Variants in MYO5A observed in about 807,000 individuals in gnomAD.
MYO5A encodes the protein myosin VA.
A neutral mutation model predicts 249.7 loss-of-function variants in MYO5A; 98 were observed. The ratio of observed to expected loss-of-function variants is 0.39; its 90% CI spans 0.33 to 0.46. The LOEUF (loss-of-function observed/expected upper bound fraction) is 0.46, where lower values mean the gene tolerates loss of function less well. Ranked by LOEUF, MYO5A falls within the 20% of genes least tolerant of loss-of-function variation. The pLI is 0.98. For synonymous variants in MYO5A, 778 were observed against 810.6 expected (o/e 0.96, Z 0.68); for missense variants, 1,696 against 2,308.8 (o/e 0.73, Z 5.44).
chr15:52,406,371 C>G (rs2043003664), intron 8 of MYO5A, among the ~76,000 whole-genome samples: 1 of 152,032 alleles, frequency 6.6e-6, no homozygotes, highest in Non-Finnish European at 1.5e-5. Context: ...TTCAAATTCA[C>G]AAATTTACTA....
chr15:52,387,643 T>C (rs2042024355), intron 14 of MYO5A, 186 bp downstream of exon 14: 1 of 567,900 alleles, frequency 1.8e-6, no homozygotes, highest in Admixed American at 3.1e-5. Context: ...TTAGATGAGT[T>C]AGCATTTTCA....
chr15:52,373,876 T>G lies in MYO5A; in HGVS notation c.2577+1428A>C, dbSNP rs192593711. On this transcript the variant is annotated intron_variant, in intron 20 of 41. Coordinates refer to ENST00000399233, the MANE Select transcript of MYO5A (RefSeq NM_001382347.1). ...GCAGAAAGATCTGGAGTAGCTATCT[T>G]CAAAACACAGCTATTAAATACACTC... is the stretch of plus-strand genomic sequence containing the variant. Among the ~76,000 whole-genome samples, 188 of 152,230 alleles carry G rather than the reference T, an allele frequency of 1.2e-3. No homozygotes were observed. The Middle Eastern group carries it at 0.02, about 17-fold the overall frequency.
chr15:52,493,717 T>G (rs2076981480), intron 1 of MYO5A, among the ~76,000 whole-genome samples: 2 of 152,032 alleles, frequency 1.3e-5, no homozygotes. Flanking sequence ...TATACAATAA[T>G]ATTATACTCT....
rs892620044 is a variant in MYO5A at position 52,309,328 on chromosome 15, C to G, written c.*4368G>C. 1 of 152,190 alleles carries G rather than the reference C, an allele frequency of 6.6e-6. No homozygotes were observed. Among genetic ancestry groups the G allele is most frequent in the Non-Finnish European group, 1.5e-5 (1 of 68,032 alleles). 9.4% of individuals were successfully genotyped at this position (152,190 alleles called of 1,614,324 possible). A position where few individuals can be genotyped will look rare whatever the true frequency, so the allele number is the denominator to read the frequency against. The stretch of plus-strand genomic sequence containing the variant: ...GTAACTATGACAAAAAAGAAAACCA[C>G]CTGGCGCTGAGCACTTGGTCTCCTT... On this transcript the variant is annotated 3_prime_UTR_variant, in exon 42 of 42. Coordinates refer to ENST00000399233, the MANE Select transcript of MYO5A (RefSeq NM_001382347.1).
intron 1 of MYO5A, among the ~76,000 whole-genome samples, chr15:52,483,284 T>C (rs896101353): frequency 1.3e-5 from 2 of 152,170 alleles, no homozygotes; most frequent in African/African-American, 4.8e-5. Context: ...GAGTGAGCCA[T>C]TTTCAGGTCA....
intron 1 of MYO5A, chr15:52,435,714 G>A (rs762021899): frequency 2.3e-6 from 1 of 443,136 alleles, no homozygotes; most frequent in Non-Finnish European, 4.5e-6. Context: ...CTGATATAAG[G>A]TTATTAACTA....
intron 20 of MYO5A, among the ~76,000 whole-genome samples, chr15:52,375,010 T>A (rs1299417984): frequency 6.6e-6 from 1 of 152,180 alleles, no homozygotes; most frequent in Non-Finnish European, 1.5e-5. Context: ...ATGTGCACAA[T>A]GGCTCATACC....
chr15:52,427,147 T>TA (rs1442898894), intron 3 of MYO5A, among the ~76,000 whole-genome samples: 2 of 151,422 alleles, frequency 1.3e-5, no homozygotes, highest in Non-Finnish European at 3.0e-5. Flanking sequence ...TTCCTTTTTT[T>TA]ATACTTTTCT....
intron 1 of MYO5A, among the ~76,000 whole-genome samples, chr15:52,484,703 G>A (rs141575463): frequency 0.016 from 2,467 of 152,140 alleles, 75 homozygotes; most frequent in African/African-American, 0.057. Context: ...GGAGTGCAGT[G>A]GCATGATCTC....
At chr15:52,435,939 C>G (rs1159107793) in intron 1 of MYO5A, among the ~76,000 whole-genome samples, 1 of 152,170 alleles carries the variant, frequency 6.6e-6, no homozygotes, top group Non-Finnish European at 1.5e-5. Context: ...TTTTCTGACA[C>G]AGAGTTTTCC....
intron 6 of MYO5A, 137 bp downstream of exon 6, chr15:52,410,196 A>G: frequency 9.4e-7 from 1 of 1,059,946 alleles, no homozygotes; most frequent in Non-Finnish European, 1.4e-6. Flanking sequence ...TACAGGCTTC[A>G]GTCCAAGTGT....
At chr15:52,448,064 A>G (rs2075931530) in intron 1 of MYO5A, among the ~76,000 whole-genome samples, 1 of 152,208 alleles carries the variant, frequency 6.6e-6, no homozygotes, top group Non-Finnish European at 1.5e-5. Context: ...AGACCCCAGA[A>G]TGGTAGACAG....
In MYO5A at chr15:52,343,869, CATTT is replaced by C. The variant is rs371056871; in HGVS notation, c.3960-676_3960-673del. On this transcript the variant is annotated intron_variant, in intron 30 of 41. Coordinates refer to ENST00000399233, the MANE Select transcript of MYO5A (RefSeq NM_001382347.1). ...AATTAGTAATGATAATGTTAGTAATCATTTATTTTCCACTTAGAATATAAAAATA... is the reference window on the plus strand; with the variant it reads ...AATTAGTAATGATAATGTTAGTAATCATTTTCCACTTAGAATATAAAAATA... 2.6e-5 allele frequency among the ~76,000 whole-genome samples: 4 copies of C among 152,274 alleles called. No homozygotes were observed. In the East Asian group the frequency reaches 7.7e-4, roughly 29 times the overall value.
intron 1 of MYO5A, among the ~76,000 whole-genome samples, chr15:52,524,239 A>G (rs984913427): frequency 6.6e-6 from 1 of 152,218 alleles, no homozygotes; most frequent in Non-Finnish European, 1.5e-5. Flanking sequence ...AAAAGTAAAC[A>G]AAAAAATTAA....
chr15:52,368,634 G>C (rs2040935547), intron 22 of MYO5A, among the ~76,000 whole-genome samples: 2 of 152,194 alleles, frequency 1.3e-5, no homozygotes, highest in Admixed American at 1.3e-4. Flanking sequence ...GCCAGGCGCA[G>C]TGGCTCACAC....
At chr15:52,341,972 G>C (rs2140993043) in intron 31 of MYO5A, among the ~76,000 whole-genome samples, 1 of 152,298 alleles carries the variant, frequency 6.6e-6, no homozygotes, top group East Asian at 1.9e-4. Context: ...AAACTCTCCT[G>C]ATTTGCTGTT....
intron 24 of MYO5A, among the ~76,000 whole-genome samples, chr15:52,360,562 A>T (rs2040468000): frequency 6.6e-6 from 1 of 152,270 alleles, no homozygotes; most frequent in African/African-American, 2.4e-5. Flanking sequence ...TCACACAGGC[A>T]GCTCTAACTT....
At chr15:52,508,866 C>T (rs1198127550) in intron 1 of MYO5A, among the ~76,000 whole-genome samples, 6 of 152,014 alleles carry the variant, frequency 3.9e-5, no homozygotes, top group South Asian at 2.1e-4. Flanking sequence ...CAATGAAATC[C>T]GTACCTTCTT....
At chr15:52,361,326 C>A (rs528312208) in intron 24 of MYO5A, among the ~76,000 whole-genome samples, 10 of 152,220 alleles carry the variant, frequency 6.6e-5, no homozygotes, top group African/African-American at 2.4e-4. Flanking sequence ...CTAAGAAAAC[C>A]AGGTAGTCCA....
Sources: allele counts gnomAD v4.1 joint callset (sites outside exome capture counted in the v4.1 genomes callset), GRCh38; gene constraint gnomAD v4.1.1; transcripts MANE v1.5; gene names NCBI Gene and HGNC (gene_info 2026-07-23, HGNC 2026-07-21).